MCTP2: variants seen among roughly 807,000 people sequenced by gnomAD.
The protein encoded by MCTP2 is multiple C2 and transmembrane domain containing 2.
MCTP2 carries 132 observed loss-of-function variants against 111.6 expected under a neutral mutation model. The ratio of observed to expected loss-of-function variants is 1.18; its 90% CI spans 1.03 to 1.37. MCTP2 has a LOEUF of 1.37. Among genes scored for constraint, MCTP2 ranks in the 40% most tolerant of loss-of-function variants. The pLI is 0.00. For missense variants in MCTP2, 1,183 were observed against 1,067.9 expected (o/e 1.11, Z -1.50); for synonymous variants, 395 against 387.7 (o/e 1.02, Z -0.22).
chr15:94,243,633 G>GTA (rs1394624004), intron 1 of MCTP2, among the ~76,000 whole-genome samples: 16 of 147,202 alleles, frequency 1.1e-4, no homozygotes, highest in African/African-American at 3.5e-4. Flanking sequence ...ACGCATATGC[G>GTA]TATATACATA....
intron 17 of MCTP2, among the ~76,000 whole-genome samples, chr15:94,428,259 A>G (rs866875202): frequency 6.6e-6 from 1 of 152,152 alleles, no homozygotes; most frequent in African/African-American, 2.4e-5. Context: ...CTTTAAAGAT[A>G]ATTTGTGACA....
intron 17 of MCTP2, among the ~76,000 whole-genome samples, 168 bp from the exon 18 acceptor site, chr15:94,440,008 G>T (rs981472950): frequency 1.3e-5 from 2 of 152,122 alleles, no homozygotes; most frequent in African/African-American, 4.8e-5. Flanking sequence ...TATGCTACCA[G>T]TTCTAAAAAT....
intron 20 of MCTP2, among the ~76,000 whole-genome samples, chr15:94,466,214 C>A (rs775745441): frequency 6.6e-6 from 1 of 152,014 alleles, no homozygotes; most frequent in South Asian, 2.1e-4. Context: ...ATTTCAATAT[C>A]TGAAATCTTT....
intron 8 of MCTP2, among the ~76,000 whole-genome samples, chr15:94,346,343 ACT>A (rs1235700227): frequency 2.6e-5 from 4 of 152,120 alleles, no homozygotes; most frequent in Non-Finnish European, 5.9e-5. Context: ...GGTTCCCAAG[ACT>A]CTGATTCTTT....
chr15:94,448,088 G>C (rs1353916038), intron 19 of MCTP2, among the ~76,000 whole-genome samples: 1 of 152,134 alleles, frequency 6.6e-6, no homozygotes, highest in Non-Finnish European at 1.5e-5. Flanking sequence ...TGTTTTGGAT[G>C]AGAGGGGGTT....
At chr15:94,475,472 GAAC>G (rs1285181480) in intron 21 of MCTP2, among the ~76,000 whole-genome samples, 1 of 152,088 alleles carries the variant, frequency 6.6e-6, no homozygotes, top group Non-Finnish European at 1.5e-5. Context: ...AATACTTAAT[GAAC>G]AACAACAAAA....
intron 2 of MCTP2, among the ~76,000 whole-genome samples, chr15:94,312,773 C>T (rs1323460212): frequency 1.3e-5 from 2 of 152,284 alleles, no homozygotes; most frequent in East Asian, 1.9e-4. Flanking sequence ...CAGCCTTTCT[C>T]GATGTCACTG....
chr15:94,250,194 C>T (rs1160349922), intron 1 of MCTP2, among the ~76,000 whole-genome samples: 2 of 152,126 alleles, frequency 1.3e-5, no homozygotes, highest in African/African-American at 2.4e-5. Flanking sequence ...TTGGAGAATT[C>T]ATTTTTAATG....
At chr15:94,474,339 T>C (rs936226256) in intron 21 of MCTP2, among the ~76,000 whole-genome samples, 2 of 152,184 alleles carry the variant, frequency 1.3e-5, no homozygotes, top group Admixed American at 1.3e-4. Context: ...TGCATTGTTG[T>C]AGAATTTCAG....
chr15:94,325,350 A>G (rs2076814818), intron 4 of MCTP2, among the ~76,000 whole-genome samples: 1 of 152,108 alleles, frequency 6.6e-6, no homozygotes, highest in Non-Finnish European at 1.5e-5. Context: ...GTGAATTGTC[A>G]TAGTTATTCT....
At chr15:94,464,209 T>G (rs1225540500) in intron 20 of MCTP2, among the ~76,000 whole-genome samples, 3 of 124,092 alleles carry the variant, frequency 2.4e-5, no homozygotes, top group Admixed American at 8.3e-5. Context: ...GGAGATGATT[T>G]TGCATGAAAT....
At chr15:94,369,991 G>T (rs2079400533) in intron 11 of MCTP2, 96 bp from the exon 12 acceptor site, 1 of 658,682 alleles carries the variant, frequency 1.5e-6, no homozygotes, top group Admixed American at 3.5e-5. Flanking sequence ...TGAGAAAAAG[G>T]AAGATAAATC....
At chr15:94,384,931 G>A (rs1224427135) in intron 13 of MCTP2, among the ~76,000 whole-genome samples, 1 of 151,954 alleles carries the variant, frequency 6.6e-6, no homozygotes, top group African/African-American at 2.4e-5. Context: ...TCTGGCTTCT[G>A]GTCAATATTA....
At position 94,399,988 on chromosome 15, in the gene MCTP2, C is replaced by A. The variant is rs2081482268; in HGVS notation, c.1958C>A (p.Ser653Tyr). 3.1e-6 allele frequency: 5 copies of A among 1,613,778 alleles called. No individual in the cohort carries two copies. The South Asian group carries it at 5.5e-5, about 18-fold the overall frequency. The part of the protein sequence containing the change: ...KRFVEDSRKL[S>Y]KKILSRDVDR... ...TTTGTTGAAGACAGCCGCAAGCTGT[C>A]CAAAAAGGTGGGTCGCTACAGTAGG... Residue 653 changes from serine to tyrosine, a missense_variant, in exon 16 of 23, where the codon TCC (serine) becomes TAC (tyrosine). Transcript: ENST00000357742.
At chr15:94,333,178 C>T (rs113378800) in intron 4 of MCTP2, among the ~76,000 whole-genome samples, 4,159 of 152,204 alleles carry the variant, frequency 0.027, 169 homozygotes, top group African/African-American at 0.095. Flanking sequence ...GAGTAGGTTG[C>T]AGTGAGCCGA....
chr15:94,268,184 C>CTTTTT (rs370731655), intron 1 of MCTP2, among the ~76,000 whole-genome samples: 2 of 132,256 alleles, frequency 1.5e-5, no homozygotes, highest in African/African-American at 2.9e-5. Context: ...TTCTTTCTTT[C>CTTTTT]TTTTTTTTTT....
chr15:94,316,670 T>C (rs1357364227), intron 4 of MCTP2, among the ~76,000 whole-genome samples: 1 of 152,234 alleles, frequency 6.6e-6, no homozygotes, highest in African/African-American at 2.4e-5. Context: ...TAGTTATATA[T>C]TGCAAATATT....
intron 4 of MCTP2, among the ~76,000 whole-genome samples, chr15:94,329,612 G>A (rs1174061054): frequency 6.6e-6 from 1 of 152,104 alleles, no homozygotes; most frequent in Admixed American, 6.5e-5. Context: ...TACCAACAGG[G>A]ATGATGCAGA....
At chr15:94,321,063 A>C (rs2076609679) in intron 4 of MCTP2, among the ~76,000 whole-genome samples, 3 of 152,230 alleles carry the variant, frequency 2.0e-5, no homozygotes, top group Admixed American at 2.0e-4. Flanking sequence ...TAAGTCAGGC[A>C]CAAAAAGACA....
Sources: gnomAD v4.1 joint callset for allele counts (sites outside exome capture counted in the v4.1 genomes callset) on GRCh38, gnomAD v4.1.1 for gene constraint, MANE v1.5 for transcripts, NCBI Gene and HGNC (gene_info 2026-07-23, HGNC 2026-07-21) for gene names.